SQOR: variants seen among roughly 807,000 people sequenced by gnomAD.
SQOR encodes the protein sulfide:quinone oxidoreductase, mitochondrial.
Under a neutral mutation model 48.6 loss-of-function variants are expected in SQOR, and 39 were observed. That is an observed-to-expected ratio of 0.80 (90% CI 0.62 to 1.05). SQOR has a LOEUF of 1.05. Ranked by LOEUF, SQOR falls within the 50% of genes least tolerant of loss-of-function variation. SQOR has a pLI of 0.00. For synonymous variants in SQOR, 220 were observed against 206.2 expected (o/e 1.07, Z -0.57); for missense variants, 561 against 559.9 (o/e 1.00, Z -0.02).
In SQOR at chr15:45,658,980, G is replaced by C. The variant is rs1322049824; in HGVS notation, c.57G>C (p.Leu19=). The C allele has an allele frequency of 1.9e-6, 3 of 1,597,910 alleles. No homozygotes were observed. Among genetic ancestry groups the C allele is most frequent in the Non-Finnish European group, 1.7e-6 (2 of 1,171,234 alleles). The stretch of plus-strand genomic sequence containing the variant: ...CCCGTGCCCAGCTCTTTGCCTGCCT[G>C]CTCAGGCTGGGCACTCAGCAGGTCG... The part of the protein sequence containing the change: ...SGPRAQLFAC[L]LRLGTQQVGP... The change falls in exon 2 of 10, where the codon CTG becomes CTC. Residue 19 remains leucine (L), a synonymous_variant. Coordinates refer to ENST00000260324, the MANE Select transcript of SQOR (RefSeq NM_021199.4).
chr15:45,680,303 AG>A (rs1890105175), intron 6 of SQOR, among the ~76,000 whole-genome samples: 2 of 152,146 alleles, frequency 1.3e-5, no homozygotes, highest in Admixed American at 1.3e-4. Context: ...TGTGTTGCTC[AG>A]GCTGGCCTCA....
At chr15:45,687,471 A>G (rs1391618069) in intron 7 of SQOR, among the ~76,000 whole-genome samples, 1 of 152,246 alleles carries the variant, frequency 6.6e-6, no homozygotes, top group African/African-American at 2.4e-5. Context: ...TGAAGAAACT[A>G]TTACTAATAT....
chr15:45,674,536 C>T (rs187929330), intron 5 of SQOR, among the ~76,000 whole-genome samples: 1 of 152,002 alleles, frequency 6.6e-6, no homozygotes, highest in African/African-American at 2.4e-5. Context: ...TCATTTTTAT[C>T]CATAATGCTA....
At chr15:45,661,687 T>C (rs1889723594) in intron 2 of SQOR, among the ~76,000 whole-genome samples, 1 of 152,206 alleles carries the variant, frequency 6.6e-6, no homozygotes, top group Non-Finnish European at 1.5e-5. Flanking sequence ...CAAATCAACT[T>C]TCAGCAATAC....
At chr15:45,671,483 A>T (rs1889942074) in intron 4 of SQOR, among the ~76,000 whole-genome samples, 1 of 152,180 alleles carries the variant, frequency 6.6e-6, no homozygotes, top group Admixed American at 6.5e-5. Flanking sequence ...ATTCTTTACA[A>T]CTACTTGTGA....
chr15:45,663,336 C>CT (rs894905354), intron 3 of SQOR, among the ~76,000 whole-genome samples: 2 of 152,048 alleles, frequency 1.3e-5, no homozygotes, highest in African/African-American at 4.8e-5. Context: ...CATTGTTAAG[C>CT]TTTTTTTGGG....
At chr15:45,643,053 C>T (rs145770775) in intron 1 of SQOR, among the ~76,000 whole-genome samples, 2,291 of 152,306 alleles carry the variant, frequency 0.015, 21 homozygotes, top group Middle Eastern at 0.027. Flanking sequence ...CCCCTTTGTG[C>T]GATCACTTTC....
At position 45,676,298 on chromosome 15, in the gene SQOR, C is replaced by T; in HGVS notation, c.852C>T (p.Thr284=). The part of the protein sequence containing the change: ...VFENLDKPGE[T]QVISYEMLHV... ...AGAACCTGGACAAACCAGGAGAGAC[C>T]CAAGTGATTTCAGTGAGTGGTGAGG... Residue 284 remains threonine (T), a synonymous_variant, in exon 6 of 10, where the codon ACC becomes ACT. Coordinates refer to ENST00000260324, the MANE Select transcript of SQOR (RefSeq NM_021199.4). The T allele has an allele frequency of 6.2e-7, 1 of 1,613,818 alleles. No individual in the cohort carries two copies. Among genetic ancestry groups the T allele is most frequent in the Non-Finnish European group, 8.5e-7 (1 of 1,179,898 alleles).
chr15:45,683,114 C>T (rs1566923555), intron 7 of SQOR, among the ~76,000 whole-genome samples: 1 of 151,658 alleles, frequency 6.6e-6, no homozygotes, highest in Admixed American at 6.6e-5. Context: ...CTTTTGAGTG[C>T]TTTGCCCCAG....
At chr15:45,670,003 G>C (rs1475946782) in intron 4 of SQOR, 22 bp downstream of exon 4, 30 of 1,611,880 alleles carry the variant, frequency 1.9e-5, no homozygotes, top group Non-Finnish European at 2.5e-5. Context: ...AACTGTTTCT[G>C]TGTTACGCTG....
At chr15:45,651,759 G>A (rs117451460) in intron 1 of SQOR, among the ~76,000 whole-genome samples, 3,131 of 151,514 alleles carry the variant, frequency 0.021, 54 homozygotes, top group Non-Finnish European at 0.029. Flanking sequence ...ATGAGCCACC[G>A]TACCCGGCCT....
At chr15:45,655,460 A>G (rs1228842976) in intron 1 of SQOR, among the ~76,000 whole-genome samples, 2 of 152,226 alleles carry the variant, frequency 1.3e-5, no homozygotes, top group African/African-American at 4.8e-5. Context: ...CGTATGAAAC[A>G]TCAATATCTT....
At chr15:45,652,286 A>G (rs1162737480) in intron 1 of SQOR, among the ~76,000 whole-genome samples, 1 of 152,004 alleles carries the variant, frequency 6.6e-6, no homozygotes, top group Non-Finnish European at 1.5e-5. Context: ...TCAGTTTTCT[A>G]TTTCTTCTCT....
chr15:45,680,280 G>A (rs544371342), intron 6 of SQOR, among the ~76,000 whole-genome samples: 70 of 152,248 alleles, frequency 4.6e-4, no homozygotes, highest in African/African-American at 1.6e-3. Context: ...TTTTTTTAAA[G>A]ACTGGGTTTT....
At chr15:45,636,090 A>C (rs988473046) in intron 1 of SQOR, among the ~76,000 whole-genome samples, 1 of 152,166 alleles carries the variant, frequency 6.6e-6, no homozygotes, top group Non-Finnish European at 1.5e-5. Context: ...CGGCCTTCCA[A>C]AGTGCTGGGA....
intron 1 of SQOR, among the ~76,000 whole-genome samples, chr15:45,652,922 G>A (rs1024494504): frequency 8.6e-5 from 13 of 151,086 alleles, no homozygotes; most frequent in Admixed American, 4.0e-4. Flanking sequence ...GCAGTGAGTC[G>A]AGATCCAGCC....
At chr15:45,682,709 C>G (rs751860232) in intron 7 of SQOR, 48 bp downstream of exon 7, 3 of 1,594,500 alleles carry the variant, frequency 1.9e-6, no homozygotes, top group East Asian at 4.5e-5. Context: ...TATGTCACCT[C>G]AAGGCATGAT....
At chr15:45,675,420 A>C (rs1890019069) in intron 5 of SQOR, among the ~76,000 whole-genome samples, 1 of 150,304 alleles carries the variant, frequency 6.7e-6, no homozygotes, top group Admixed American at 6.6e-5. Flanking sequence ...TTGGAGACAG[A>C]ATTTTGCTCT....
chr15:45,657,497 C>T (rs907918305), intron 1 of SQOR, among the ~76,000 whole-genome samples: 4 of 152,140 alleles, frequency 2.6e-5, no homozygotes, highest in South Asian at 2.1e-4. Context: ...ACTGTATGAG[C>T]CTGTCCTACT....
Sources: allele counts gnomAD v4.1 joint callset (sites outside exome capture counted in the v4.1 genomes callset), GRCh38; gene constraint gnomAD v4.1.1; transcripts MANE v1.5; gene names NCBI Gene and HGNC (gene_info 2026-07-23, HGNC 2026-07-21).